The following MICU3 variants were observed in gnomAD, a reference collection of about 807,000 sequenced individuals.
The protein encoded by MICU3 is mitochondrial calcium uptake 3.
In MICU3, 62 loss-of-function variants were observed where a neutral mutation model predicts 66.5. The ratio of observed to expected loss-of-function variants is 0.93; its 90% CI spans 0.76 to 1.15. The LOEUF (loss-of-function observed/expected upper bound fraction) is 1.15, where lower values mean the gene tolerates loss of function less well. MICU3 is among the 50% of genes most tolerant of loss of function. MICU3 has a pLI of 0.00. For synonymous variants in MICU3, 308 were observed against 240.7 expected (o/e 1.28, Z -2.59); for missense variants, 779 against 664.4 (o/e 1.17, Z -1.90).
At chr8:17,111,444 C>T (rs1022845477) in intron 11 of MICU3, among the ~76,000 whole-genome samples, 4 of 152,184 alleles carry the variant, frequency 2.6e-5, no homozygotes, top group African/African-American at 9.6e-5. Flanking sequence ...GCCTCAGCTT[C>T]TCAAGTAGCT....
the MICU3 span, among the ~76,000 whole-genome samples, chr8:17,133,318 T>C: frequency 6.6e-6 from 1 of 152,230 alleles, no homozygotes; most frequent in Non-Finnish European, 1.5e-5. Context: ...CCCTTTGTTA[T>C]TGACATTTTT....
chr8:17,110,597 T>G (rs1462373214), intron 11 of MICU3, among the ~76,000 whole-genome samples: 2 of 152,188 alleles, frequency 1.3e-5, no homozygotes, highest in Non-Finnish European at 2.9e-5. Context: ...GGGGTCTTTC[T>G]CTGCCACCCA....
chr8:17,027,399 C>G lies in MICU3; in HGVS notation c.120C>G (p.Gly40=). 1 of 1,434,210 alleles carries G rather than the reference C, an allele frequency of 7.0e-7. No individual in the cohort carries two copies. Among genetic ancestry groups the G allele is most frequent in the Middle Eastern group, 2.1e-4 (1 of 4,662 alleles). The allele number at this position is 1,434,210 out of a possible 1,614,324, so 88.8% of individuals were successfully genotyped here. Residue 40 remains glycine (G), a synonymous_variant, in exon 1 of 15, where the codon GGC becomes GGG. Transcript: ENST00000318063. The part of the protein sequence containing the change: ...RPAVTTLGLP[G]RPFSSREDEE... Reference sequence around the variant, plus strand: ...CGGTGACCACCCTGGGCCTTCCTGGCCGGCCCTTCTCCTCCCGAGAGGATG... The same window carrying G: ...CGGTGACCACCCTGGGCCTTCCTGGGCGGCCCTTCTCCTCCCGAGAGGATG...
At chr8:17,138,490 A>T in the MICU3 span, among the ~76,000 whole-genome samples, 12 of 152,278 alleles carry the variant, frequency 7.9e-5, no homozygotes, top group Non-Finnish European at 1.3e-4. Flanking sequence ...GCTGCAAAGA[A>T]AAAAATGCAA....
intron 11 of MICU3, among the ~76,000 whole-genome samples, chr8:17,105,864 A>T (rs1381214425): frequency 6.6e-6 from 1 of 152,070 alleles, no homozygotes; most frequent in Non-Finnish European, 1.5e-5. Flanking sequence ...GGAGAATTCC[A>T]CTTAGCTCTA....
chr8:17,119,552 G>GATAGATAGATAA (rs1554541245), intron 14 of MICU3, among the ~76,000 whole-genome samples: 84 of 148,744 alleles, frequency 5.6e-4, no homozygotes, highest in African/African-American at 1.9e-3. Context: ...TAGATAGATA[G>GATAGATAGATAA]ATAGATAGAT....
intron 8 of MICU3, among the ~76,000 whole-genome samples, chr8:17,097,716 G>A (rs1173693591): frequency 6.6e-6 from 1 of 151,640 alleles, no homozygotes; most frequent in Non-Finnish European, 1.5e-5. Flanking sequence ...GACAGAAACT[G>A]GGTTTAATTA....
chr8:17,064,715 A>G (rs903058855), intron 2 of MICU3, among the ~76,000 whole-genome samples: 1 of 152,178 alleles, frequency 6.6e-6, no homozygotes, highest in Non-Finnish European at 1.5e-5. Flanking sequence ...AAATCTCTTA[A>G]TATCTAACTT....
At chr8:17,081,823 C>A in intron 5 of MICU3, 83 bp downstream of exon 5, 1 of 666,462 alleles carries the variant, frequency 1.5e-6, no homozygotes, top group Non-Finnish European at 2.6e-6. Context: ...GGTTCTCTTA[C>A]TCTTGAAAAT....
Position 17,027,485 on chromosome 8 carries a change from T to TGGCGGC in MICU3, c.213_218dup (p.Ala72_Ala73dup). On this transcript the variant is annotated inframe_insertion, in exon 1 of 15. Transcript: ENST00000318063. Reference sequence around the variant, plus strand: ...CGGCGGCGCTGGGGGGAGCTGAGCGTGGCGGCGGCGGCCGGCGGGGGGCTG... The same window carrying TGGCGGC: ...CGGCGGCGCTGGGGGGAGCTGAGCGTGGCGGCGGCGGCGGCGGCCGGCGGGGGGCTG... 2.3e-6 allele frequency: 3 copies of TGGCGGC among 1,282,418 alleles called. No homozygotes were observed. The highest frequency in any genetic ancestry group is 2.9e-6 in the Non-Finnish European group (3 of 1,019,184). The allele number at this position is 1,282,418 out of a possible 1,614,324, so 79.4% of individuals were successfully genotyped here.
chr8:17,097,843 A>G (rs1460875495), intron 8 of MICU3, among the ~76,000 whole-genome samples: 1 of 151,854 alleles, frequency 6.6e-6, no homozygotes, highest in East Asian at 1.9e-4. Context: ...TGTTCTCAGA[A>G]TTTAGTATCC....
the MICU3 span, among the ~76,000 whole-genome samples, chr8:17,128,047 T>G: frequency 6.6e-6 from 1 of 152,074 alleles, no homozygotes; most frequent in Non-Finnish European, 1.5e-5. Context: ...TGGTTGGAAC[T>G]GGAATGGTTG....
At chr8:17,130,895 A>T in the MICU3 span, among the ~76,000 whole-genome samples, 1 of 152,250 alleles carries the variant, frequency 6.6e-6, no homozygotes, top group Non-Finnish European at 1.5e-5. Context: ...TCAGATGTTA[A>T]TCAGTTTTTA....
Position 17,098,528 on chromosome 8 carries a change from A to G in MICU3, c.959A>G (p.Gln320Arg). The change falls in exon 9 of 15, where the codon CAA becomes CGA. Residue 320 changes from glutamine to arginine, a missense_variant. Gln to Arg is a conservative substitution (Grantham distance 43). Transcript: ENST00000318063. ...GATACACTGAGACGTAACACAAGCC[A>G]AGCACTGTTTTCAGACCTCGCAGAG... ...YWDTLRRNTS[Q>R]ALFSDLAERA... is the part of the protein sequence containing the mutation. 1 of 1,611,186 alleles carries G rather than the reference A, an allele frequency of 6.2e-7. No homozygotes were observed. Among genetic ancestry groups the G allele is most frequent in the Non-Finnish European group, 8.5e-7 (1 of 1,177,838 alleles).
chr8:17,034,110 G>C (rs1036211241), intron 1 of MICU3, among the ~76,000 whole-genome samples: 11 of 152,186 alleles, frequency 7.2e-5, no homozygotes, highest in African/African-American at 2.7e-4. Flanking sequence ...TGAAGGCAGT[G>C]CTCATTTACC....
intron 1 of MICU3, among the ~76,000 whole-genome samples, chr8:17,062,408 T>C (rs1045331236): frequency 2.0e-5 from 3 of 152,204 alleles, no homozygotes; most frequent in African/African-American, 7.2e-5. Flanking sequence ...CCATTTCTTA[T>C]GCCGTTAGAA....
chr8:17,082,386 CAAATGTGAA>C, intron 5 of MICU3, among the ~76,000 whole-genome samples: 1 of 152,202 alleles, frequency 6.6e-6, no homozygotes, highest in Middle Eastern at 3.4e-3. Flanking sequence ...GGTTTCCTTT[CAAATGTGAA>C]AATTTAGCAA....
chr8:17,064,435 T>C (rs1001923159), intron 2 of MICU3, among the ~76,000 whole-genome samples, 198 bp downstream of exon 2: 15 of 152,284 alleles, frequency 9.9e-5, no homozygotes, highest in African/African-American at 3.4e-4. Flanking sequence ...AACTTTCAAT[T>C]GCTCCATCTT....
intron 6 of MICU3, among the ~76,000 whole-genome samples, chr8:17,085,806 G>A (rs1799410869): frequency 1.3e-5 from 2 of 152,006 alleles, no homozygotes; most frequent in South Asian, 2.1e-4. Flanking sequence ...TAGGCTGATA[G>A]TTCTTAGATA....
Sources: allele counts gnomAD v4.1 joint callset (sites outside exome capture counted in the v4.1 genomes callset), GRCh38; gene constraint gnomAD v4.1.1; transcripts MANE v1.5; gene names NCBI Gene and HGNC (gene_info 2026-07-23, HGNC 2026-07-21).